The following APP variants were observed in gnomAD, a reference collection of about 807,000 sequenced individuals.
The protein encoded by APP is amyloid beta precursor protein.
APP carries 31 observed loss-of-function variants against 101.4 expected under a neutral mutation model. The observed-to-expected ratio is 0.31, with a 90% confidence interval of 0.23 to 0.41. The LOEUF (loss-of-function observed/expected upper bound fraction) is 0.41, where lower values mean the gene tolerates loss of function less well. Ranked by LOEUF, APP falls within the 10% of genes least tolerant of loss-of-function variation. The pLI is 1.00. For missense variants in APP, 839 were observed against 1,003.7 expected, an observed-to-expected ratio of 0.84 and a Z score of 2.22; for synonymous variants, 366 against 364.4, an observed-to-expected ratio of 1.00 and a Z score of -0.05.
chr21:26,055,893 A>G (rs1221895880), intron 3 of APP, among the ~76,000 whole-genome samples: 2 of 152,240 alleles, frequency 1.3e-5, no homozygotes, highest in Admixed American at 1.3e-4. Context: ...GGCATAAATC[A>G]GACAGTAAGT....
intron 3 of APP, among the ~76,000 whole-genome samples, chr21:26,080,715 A>G (rs1269593359): frequency 6.6e-6 from 1 of 151,512 alleles, no homozygotes; most frequent in African/African-American, 2.4e-5. Flanking sequence ...GGTTGCAGTG[A>G]GCCAAGATCG....
intron 8 of APP, 107 bp downstream of exon 8, chr21:25,997,253 G>A (rs1352560761): frequency 1.1e-5 from 12 of 1,115,192 alleles, no homozygotes; most frequent in African/African-American, 1.5e-5. Flanking sequence ...TAAGACAGGT[G>A]TTCAAGAAAC....
At chr21:26,054,940 C>T (rs2045982732) in intron 3 of APP, among the ~76,000 whole-genome samples, 1 of 152,172 alleles carries the variant, frequency 6.6e-6, no homozygotes, top group South Asian at 2.1e-4. Flanking sequence ...AGGGTTTAAA[C>T]TTTAGTCTGT....
At chr21:25,937,363 T>G (rs1317726781) in intron 13 of APP, among the ~76,000 whole-genome samples, 1 of 152,126 alleles carries the variant, frequency 6.6e-6, no homozygotes, top group Non-Finnish European at 1.5e-5. Context: ...GCACCTGGAG[T>G]TGGTATTCAG....
intron 1 of APP, among the ~76,000 whole-genome samples, chr21:26,119,213 T>C (rs1373566157): frequency 6.6e-6 from 1 of 152,232 alleles, no homozygotes; most frequent in Non-Finnish European, 1.5e-5. Context: ...ATGTCAAGCT[T>C]TTTTAATTCT....
intron 5 of APP, among the ~76,000 whole-genome samples, chr21:26,046,411 T>TA (rs1055185731): frequency 1.4e-4 from 17 of 119,274 alleles, no homozygotes; most frequent in South Asian, 8.0e-4. Context: ...AACTTCATCT[T>TA]AAAAAAAAAA....
intron 13 of APP, among the ~76,000 whole-genome samples, chr21:25,931,200 A>G (rs1278567894): frequency 6.6e-6 from 1 of 152,204 alleles, no homozygotes; most frequent in East Asian, 1.9e-4. Context: ...CAGAATGACA[A>G]AGAAACAAGC....
Position 26,051,078 on chromosome 21 carries a change from T to C in APP, c.584A>G (p.Asn195Ser), listed in dbSNP as rs1361888323. The change falls in exon 5 of 18, where the codon AAT becomes AGT. Residue 195 changes from asparagine (N) to serine (S), a missense_variant. Physicochemically the swap from Asn to Ser is conservative, Grantham distance 46. Coordinates refer to ENST00000346798, the MANE Select transcript of APP (RefSeq NM_000484.4). Reference protein sequence around the residue: ...VCCPLAEESDNVDSADAEEDD... With the variant: ...VCCPLAEESDSVDSADAEEDD... Reference sequence around the variant, plus strand: ...CTCCTCCGCATCAGCAGAATCCACATTGTCACTTTCTTCAGCCAGTGGGCA... The same window carrying C: ...CTCCTCCGCATCAGCAGAATCCACACTGTCACTTTCTTCAGCCAGTGGGCA... The C allele has an allele frequency of 5.6e-6, 9 of 1,614,024 alleles. No homozygotes were observed. Among genetic ancestry groups the C allele is most frequent in the Admixed American group, 1.7e-5 (1 of 59,984 alleles).
At chr21:25,897,423 T>C in intron 16 of APP, 150 bp downstream of exon 16, 1 of 746,032 alleles carries the variant, frequency 1.3e-6, no homozygotes, top group South Asian at 1.5e-5. Flanking sequence ...CTAGCCTATT[T>C]ATTTTCTTCA....
At chr21:26,113,257 G>C (rs45615236) in intron 1 of APP, among the ~76,000 whole-genome samples, 1 of 152,284 alleles carries the variant, frequency 6.6e-6, no homozygotes, top group East Asian at 1.9e-4. Context: ...CAAGAACTGG[G>C]TGATTCCACG....
chr21:26,160,472 A>G (rs547981658), intron 1 of APP, among the ~76,000 whole-genome samples: 10 of 152,350 alleles, frequency 6.6e-5, no homozygotes, highest in Admixed American at 4.6e-4. Flanking sequence ...TACAAGGCTA[A>G]TCATAATGAC....
chr21:25,901,003 A>C (rs979314427), intron 15 of APP, among the ~76,000 whole-genome samples: 1 of 146,092 alleles, frequency 6.8e-6, no homozygotes, highest in African/African-American at 2.6e-5. Context: ...AAAAAAAAAA[A>C]AGAATGAGCT....
chr21:26,091,686 T>C (rs1025158458), intron 2 of APP, among the ~76,000 whole-genome samples: 1 of 152,092 alleles, frequency 6.6e-6, no homozygotes, highest in African/African-American at 2.4e-5. Flanking sequence ...GCAAAGTGAT[T>C]TGTCTGAAAG....
intron 6 of APP, among the ~76,000 whole-genome samples, chr21:26,004,024 G>A (rs537971868): frequency 6.6e-6 from 1 of 152,256 alleles, no homozygotes; most frequent in South Asian, 2.1e-4. Context: ...CCATGTAGTA[G>A]AAAAGAGAAT....
chr21:26,133,066 G>A (rs755403574), intron 1 of APP, among the ~76,000 whole-genome samples: 3 of 151,480 alleles, frequency 2.0e-5, no homozygotes, highest in Non-Finnish European at 4.4e-5. Flanking sequence ...GCAAAACCCC[G>A]TCTCTAAAAA....
chr21:26,067,038 G>A (rs2046481165), intron 3 of APP, among the ~76,000 whole-genome samples: 1 of 152,138 alleles, frequency 6.6e-6, no homozygotes, highest in Non-Finnish European at 1.5e-5. Context: ...CAAAAGAACC[G>A]AGATATAGTT....
intron 1 of APP, among the ~76,000 whole-genome samples, chr21:26,149,611 A>G (rs1272942147): frequency 6.6e-6 from 1 of 152,258 alleles, no homozygotes; most frequent in Non-Finnish European, 1.5e-5. Flanking sequence ...TAAGTATAAT[A>G]CAATAATTCT....
intron 1 of APP, among the ~76,000 whole-genome samples, chr21:26,146,051 T>C (rs149295943): frequency 1.3e-5 from 2 of 152,358 alleles, no homozygotes; most frequent in East Asian, 3.9e-4. Context: ...AAATTCTAAA[T>C]GACTGATCTA....
At chr21:26,023,726 A>G (rs773721238) in intron 5 of APP, among the ~76,000 whole-genome samples, 6 of 152,224 alleles carry the variant, frequency 3.9e-5, no homozygotes, top group Non-Finnish European at 7.3e-5. Flanking sequence ...ACCAACACAG[A>G]TCACCAGGTG....
Sources: gnomAD v4.1 joint callset for allele counts (sites outside exome capture counted in the v4.1 genomes callset) on GRCh38, gnomAD v4.1.1 for gene constraint, MANE v1.5 for transcripts, NCBI Gene and HGNC (gene_info 2026-07-23, HGNC 2026-07-21) for gene names.